The following TCF7L2 variants were observed in gnomAD, a reference collection of about 807,000 sequenced individuals.
The protein encoded by TCF7L2 is transcription factor 7-like 2.
A neutral mutation model predicts 77.9 loss-of-function variants in TCF7L2; 23 were observed. The ratio of observed to expected loss-of-function variants is 0.30; its 90% confidence interval spans 0.21 to 0.42. TCF7L2 has a LOEUF of 0.42. TCF7L2 is among the 10% of genes least tolerant of loss of function. The pLI is 1.00. For synonymous variants in TCF7L2, 413 were observed against 340.2 expected (o/e 1.21, Z -2.36); for missense variants, 654 against 793.1 (o/e 0.82, Z 2.11).
At chr10:113,156,389 C>T (rs147160187) in intron 11 of TCF7L2, among the ~76,000 whole-genome samples, 9 of 152,250 alleles carry the variant, frequency 5.9e-5, no homozygotes, top group African/African-American at 2.2e-4. Flanking sequence ...GCTGGGATTA[C>T]AGGCGTGAGC....
chr10:113,053,434 G>T (rs1252221336), intron 5 of TCF7L2, among the ~76,000 whole-genome samples: 2 of 152,150 alleles, frequency 1.3e-5, no homozygotes, highest in African/African-American at 2.4e-5. Context: ...GGGCGCAGGC[G>T]TGTGATACCA....
chr10:112,988,170 T>C (rs1018504042), intron 4 of TCF7L2, among the ~76,000 whole-genome samples: 2 of 151,754 alleles, frequency 1.3e-5, no homozygotes, highest in African/African-American at 2.4e-5. Flanking sequence ...GGCTCTCAGC[T>C]CACGGCAACC....
chr10:113,059,094 A>T (rs1260486453), intron 5 of TCF7L2, among the ~76,000 whole-genome samples: 1 of 152,140 alleles, frequency 6.6e-6, no homozygotes, highest in African/African-American at 2.4e-5. Flanking sequence ...TAGGGCCATA[A>T]CTCAGACAAT....
intron 5 of TCF7L2, among the ~76,000 whole-genome samples, chr10:113,076,205 A>G (rs1002904527): frequency 1.3e-5 from 2 of 151,174 alleles, no homozygotes; most frequent in Non-Finnish European, 2.9e-5. Flanking sequence ...TGACTTGATC[A>G]TAGCTCACTG....
intron 4 of TCF7L2, among the ~76,000 whole-genome samples, chr10:112,977,931 A>G (rs888006636): frequency 5.3e-5 from 8 of 152,166 alleles, no homozygotes; most frequent in African/African-American, 1.9e-4. Flanking sequence ...CAGAAAGGAG[A>G]GGAGTTGTTT....
intron 5 of TCF7L2, among the ~76,000 whole-genome samples, chr10:113,051,081 C>T (rs941306417): frequency 1.3e-5 from 2 of 151,912 alleles, no homozygotes; most frequent in African/African-American, 2.4e-5. Context: ...TTGTTCCACT[C>T]GGTTCTGTTG....
At chr10:113,117,249 T>C (rs2136199949) in intron 5 of TCF7L2, among the ~76,000 whole-genome samples, 1 of 152,286 alleles carries the variant, frequency 6.6e-6, no homozygotes, top group African/African-American at 2.4e-5. Flanking sequence ...TTTCTTTTAT[T>C]AATGTGGTAC....
chr10:113,165,830 T>C lies in TCF7L2; in HGVS notation c.1667T>C (p.Leu556Pro), dbSNP rs749975791. The C allele has an allele frequency of 4.4e-6, 7 of 1,606,592 alleles. No homozygotes were observed. The highest frequency in any genetic ancestry group is 2.7e-5 in the African/African-American group (2 of 74,656). ...TCCGCCCTCTGTCCCAACGGGGCCC[T>C]GGACCTGCCCCCAGCCGCTTTGCAG... is the stretch of plus-strand genomic sequence containing the variant. Residue 556 changes from leucine (L) to proline (P), a missense_variant, in exon 14 of 14, where the codon CTG (leucine) becomes CCG (proline). Leu to Pro is a moderately conservative substitution (Grantham distance 98, BLOSUM62 -3). Transcript: ENST00000627217.
intron 11 of TCF7L2, 136 bp downstream of exon 11, chr10:113,152,576 A>T: frequency 1.5e-6 from 1 of 665,376 alleles, no homozygotes; most frequent in South Asian, 1.9e-5. Flanking sequence ...GGGGACTGGT[A>T]GCATCTTCCT....
At chr10:113,045,418 C>T (rs2053261660) in intron 5 of TCF7L2, among the ~76,000 whole-genome samples, 1 of 152,150 alleles carries the variant, frequency 6.6e-6, no homozygotes, top group African/African-American at 2.4e-5. Flanking sequence ...TGCAGAGAAG[C>T]TGGGAAAGAG....
At chr10:113,044,067 A>G (rs777178866) in intron 5 of TCF7L2, among the ~76,000 whole-genome samples, 14 of 152,138 alleles carry the variant, frequency 9.2e-5, no homozygotes, top group Non-Finnish European at 1.8e-4. Context: ...TCGATGTAGA[A>G]TTTTACCTTG....
chr10:112,992,917 C>T (rs538713782), intron 4 of TCF7L2, among the ~76,000 whole-genome samples: 2 of 152,120 alleles, frequency 1.3e-5, no homozygotes, highest in South Asian at 4.2e-4. Context: ...GTGCCTGACA[C>T]CGCGCCTGGC....
intron 3 of TCF7L2, 77 bp from the exon 4 acceptor site, chr10:112,964,479 T>C: frequency 1.5e-6 from 2 of 1,362,506 alleles, no homozygotes; most frequent in Non-Finnish European, 2.1e-6. Flanking sequence ...GTTTGTCTGC[T>C]ATTCATAAAC....
At chr10:112,957,922 G>A (rs61875102) in intron 3 of TCF7L2, among the ~76,000 whole-genome samples, 66 of 152,200 alleles carry the variant, frequency 4.3e-4, no homozygotes, top group Non-Finnish European at 7.8e-4. Flanking sequence ...AAAGGTGTTT[G>A]CCAGGCCAGG....
At chr10:112,980,895 G>A (rs879653458) in intron 4 of TCF7L2, among the ~76,000 whole-genome samples, 2 of 152,110 alleles carry the variant, frequency 1.3e-5, no homozygotes, top group Non-Finnish European at 2.9e-5. Flanking sequence ...CAAAGTGCTG[G>A]GATTACAGGC....
In TCF7L2 at chr10:113,167,659, A is replaced by G. The variant is rs2074092855; in HGVS notation, c.*1687A>G. The stretch of plus-strand genomic sequence containing the variant: ...ATGCCGTTCTGGATTAATAAAAGCA[A>G]CTTAGTATGTGCAGATAAAGGCTGG... On this transcript the variant is annotated 3_prime_UTR_variant, in exon 14 of 14. Transcript: ENST00000627217. 5.3e-6 allele frequency: 1 copy of G among 186,970 alleles called. No individual in the cohort carries two copies. The allele number at this position is 186,970 out of a possible 1,614,324, so 11.6% of individuals were successfully genotyped here.
rs764425409 is a variant in TCF7L2 at position 112,950,816 on chromosome 10, C to T, written c.60C>T (p.Ser20=). 1 of 1,601,150 alleles carries T rather than the reference C, an allele frequency of 6.2e-7. No individual in the cohort carries two copies. ...TAGGCGCCAACGACGAACTGATTTC[C>T]TTCAAAGACGAGGGCGAACAGGAGG... The change falls in exon 1 of 14, where the codon TCC becomes TCT. Residue 20 remains serine, a synonymous_variant. Coordinates refer to ENST00000627217, the MANE Select transcript of TCF7L2 (RefSeq NM_001146274.2).
In TCF7L2 at chr10:113,122,819, C is replaced by T. The variant is rs147794223; in HGVS notation, c.553-18365C>T. Among the ~76,000 whole-genome samples the T allele has an allele frequency of 5.9e-5, 9 of 152,212 alleles. No homozygotes were observed. In the East Asian group the frequency reaches 1.7e-3, roughly 29 times the overall value. On this transcript the variant is annotated intron_variant, in intron 5 of 13. Transcript: ENST00000627217. ...AGTGTGGTCCGGAATTACCTGGGCC[C>T]GGTATCCCTCCTTGGCCATCACAAT...
At chr10:112,987,307 A>G (rs948325204) in intron 4 of TCF7L2, among the ~76,000 whole-genome samples, 7 of 152,202 alleles carry the variant, frequency 4.6e-5, no homozygotes, top group Non-Finnish European at 8.8e-5. Flanking sequence ...TAAAATAGGC[A>G]TAGTAAAACT....
Sources: allele counts gnomAD v4.1 joint callset (sites outside exome capture counted in the v4.1 genomes callset), GRCh38; gene constraint gnomAD v4.1.1; transcripts MANE v1.5; gene names NCBI Gene and HGNC (gene_info 2026-07-23, HGNC 2026-07-21).